FRMPD4: variants seen among roughly 807,000 people sequenced by gnomAD.
FRMPD4 encodes the protein FERM and PDZ domain containing 4.
FRMPD4 carries 22 observed loss-of-function variants against 94.1 expected under a neutral mutation model. The observed-to-expected ratio is 0.23, with a 90% CI of 0.17 to 0.33. FRMPD4 has a LOEUF of 0.33. Among genes scored for constraint, FRMPD4 ranks in the 10% least tolerant of loss-of-function variants. FRMPD4 has a pLI of 1.00. For synonymous variants in FRMPD4, 631 were observed against 548.6 expected (o/e 1.15, Z -2.10); for missense variants, 1,111 against 1,339.9 (o/e 0.83, Z 2.67).
intron 9 of FRMPD4, among the ~76,000 whole-genome samples, chrX:12,701,592 G>C (rs186072002): frequency 2.8e-4 from 31 of 112,055 alleles, no homozygotes; most frequent in African/African-American, 1.0e-3. Flanking sequence ...CCTGTGTTTG[G>C]AAATTTCATA....
chrX:12,609,879 C>G lies in FRMPD4; in HGVS notation c.317C>G (p.Pro106Arg). 8.3e-7 allele frequency: 1 copy of G among 1,206,359 alleles called. No individual in the cohort carries two copies. The highest frequency in any genetic ancestry group is 3.0e-5 in the East Asian group (1 of 33,801). Residue 106 changes from proline to arginine, a missense_variant and splice_region_variant, in exon 3 of 17, where the codon CCA becomes CGA. Pro to Arg is a moderately radical substitution (Grantham distance 103). Transcript: ENST00000675598. The stretch of plus-strand genomic sequence containing the variant: ...CCAGTGGTCGTTCGCTCAGTAACAC[C>G]AGGTAAGCACCCAATCCCAGTTCTT... ...EKPVVVRSVT[P>R]GGPSEGKLIP... is the part of the protein sequence containing the mutation.
chrX:12,210,423 A>G (rs1184055201), intron 1 of FRMPD4, among the ~76,000 whole-genome samples: 1 of 111,438 alleles, frequency 9.0e-6, no homozygotes, highest in Non-Finnish European at 1.9e-5. Flanking sequence ...TGAACCAATT[A>G]GAAGCGGCCT....
At chrX:11,853,585 G>A (rs2053637629) in intron 1 of FRMPD4, among the ~76,000 whole-genome samples, 2 of 111,233 alleles carry the variant, frequency 1.8e-5, no homozygotes, top group Non-Finnish European at 3.8e-5. Context: ...AACCATCAGG[G>A]AATATTATGA....
intron 3 of FRMPD4, among the ~76,000 whole-genome samples, chrX:11,951,027 C>G (rs1482555927): frequency 2.0e-5 from 2 of 98,218 alleles, no homozygotes; most frequent in African/African-American, 7.7e-5. Flanking sequence ...TCATTACACT[C>G]CAGCCTTGGC....
chrX:12,163,462 T>TAAAA (rs201319402), intron 1 of FRMPD4, among the ~76,000 whole-genome samples: 2 of 67,661 alleles, frequency 3.0e-5, no homozygotes, highest in African/African-American at 5.6e-5. Flanking sequence ...TGACCCTTTG[T>TAAAA]AAAAAAAAAA....
chrX:12,284,611 A>G (rs1019435905), intron 1 of FRMPD4, among the ~76,000 whole-genome samples: 4 of 111,887 alleles, frequency 3.6e-5, no homozygotes, highest in African/African-American at 1.3e-4. Flanking sequence ...GACCCTATCA[A>G]TTCATGTCAC....
At chrX:12,165,724 C>G (rs12394937) in intron 1 of FRMPD4, among the ~76,000 whole-genome samples, 2 of 109,895 alleles carry the variant, frequency 1.8e-5, no homozygotes, top group East Asian at 2.9e-4. Flanking sequence ...CTTTTATTTC[C>G]TTGAGCAGTG....
chrX:12,459,574 T>G (rs1220795984), intron 1 of FRMPD4, among the ~76,000 whole-genome samples: 2 of 111,697 alleles, frequency 1.8e-5, no homozygotes, highest in African/African-American at 6.5e-5. Context: ...GTGTTTGACT[T>G]ACTCCACTTA....
intron 1 of FRMPD4, among the ~76,000 whole-genome samples, chrX:11,824,669 A>T (rs1405164823): frequency 8.9e-6 from 1 of 111,942 alleles, no homozygotes; most frequent in Non-Finnish European, 1.9e-5. Flanking sequence ...AGGAGGAGAA[A>T]ATGGGAAAAG....
intron 3 of FRMPD4, among the ~76,000 whole-genome samples, chrX:12,003,731 TG>T (rs2054536228): frequency 8.9e-6 from 1 of 112,505 alleles, no homozygotes; most frequent in South Asian, 3.7e-4. Flanking sequence ...GAGATTCTGT[TG>T]GGGATCTATT....
intron 2 of FRMPD4, among the ~76,000 whole-genome samples, chrX:12,511,858 A>T (rs2058046192): frequency 8.9e-6 from 1 of 112,877 alleles, no homozygotes; most frequent in African/African-American, 3.2e-5. Flanking sequence ...TCAAATTGTC[A>T]AAAGTCAAAG....
At chrX:12,301,435 A>G (rs1453950729) in intron 1 of FRMPD4, among the ~76,000 whole-genome samples, 1 of 111,034 alleles carries the variant, frequency 9.0e-6, no homozygotes, top group Non-Finnish European at 1.9e-5. Context: ...GCCACCCCCA[A>G]ACAATATACA....
intron 5 of FRMPD4, among the ~76,000 whole-genome samples, chrX:12,676,247 G>A (rs1289091167): frequency 1.8e-5 from 2 of 112,217 alleles, no homozygotes; most frequent in Non-Finnish European, 3.8e-5. Context: ...GTCTGATTCC[G>A]AGATTCCTTC....
At chrX:12,128,318 T>C (rs2055518654) in intron 3 of FRMPD4, among the ~76,000 whole-genome samples, 1 of 112,656 alleles carries the variant, frequency 8.9e-6, no homozygotes, top group South Asian at 3.7e-4. Context: ...CAACACCACA[T>C]GTAAACTGCC....
Position 11,998,154 on chromosome X carries a change from A to G in FRMPD4, c.95+120136A>G, listed in dbSNP as rs754898101. ...AGTCCCTCAAGTCTCTAAGTGTTGA[A>G]GGATTTTCTGATTCCCACCCCCTGC... On this transcript the variant is annotated intron_variant, in intron 3 of 18. Transcript: ENST00000640291. Among the ~76,000 whole-genome samples, 7 of 111,718 alleles carry G rather than the reference A, an allele frequency of 6.3e-5. No individual in the cohort carries two copies. The South Asian group carries it at 2.7e-3, about 42-fold the overall frequency.
chrX:12,418,292 G>C (rs1447068034), intron 1 of FRMPD4, among the ~76,000 whole-genome samples: 2 of 108,218 alleles, frequency 1.8e-5, no homozygotes, highest in East Asian at 2.9e-4. Context: ...GTGACACTGA[G>C]CTATATTCTA....
At chrX:12,490,341 C>T (rs2057779934) in intron 1 of FRMPD4, among the ~76,000 whole-genome samples, 1 of 110,717 alleles carries the variant, frequency 9.0e-6, no homozygotes, top group Admixed American at 9.6e-5. Context: ...GATCAAATTT[C>T]CAACATGTGA....
At chrX:12,309,112 T>C (rs1208537311) in intron 1 of FRMPD4, among the ~76,000 whole-genome samples, 1 of 112,303 alleles carries the variant, frequency 8.9e-6, no homozygotes, top group Non-Finnish European at 1.9e-5. Context: ...GCATGACATA[T>C]GCCATTGACA....
In FRMPD4 at chrX:12,700,962, G is replaced by C. The variant is rs184296687; in HGVS notation, c.934-912G>C. Among the ~76,000 whole-genome samples the C allele has an allele frequency of 2.0e-3, 227 of 111,284 alleles. 1 individual carries two copies. The highest frequency in any genetic ancestry group is 6.1e-3 in the African/African-American group (188 of 30,609). On this transcript the variant is annotated intron_variant, in intron 9 of 16. Coordinates refer to ENST00000675598, the MANE Select transcript of FRMPD4 (RefSeq NM_001368397.1). ...TCCCTGCAGCTGCTGTGGCTGATAA[G>C]GAGGAGGAGGAGAATGATGTTAGCA...
Sources: gnomAD v4.1 joint callset for allele counts (sites outside exome capture counted in the v4.1 genomes callset) on GRCh38, gnomAD v4.1.1 for gene constraint, MANE v1.5 for transcripts, NCBI Gene and HGNC (gene_info 2026-07-23, HGNC 2026-07-21) for gene names.